MYT1L: variants seen among roughly 807,000 people sequenced by gnomAD.
MYT1L encodes myelin transcription factor 1-like protein.
A neutral mutation model predicts 126.7 loss-of-function variants in MYT1L; 12 were observed. That is an observed-to-expected ratio of 0.09 (90% CI 0.06 to 0.15). The LOEUF (loss-of-function observed/expected upper bound fraction) is 0.15, where lower values mean the gene tolerates loss of function less well. Ranked by LOEUF, MYT1L falls within the 10% of genes least tolerant of loss-of-function variation. The pLI is 1.00. For missense variants in MYT1L, 979 were observed against 1,585.2 expected (o/e 0.62, Z 6.49); for synonymous variants, 541 against 604.2 (o/e 0.90, Z 1.53).
intron 1 of MYT1L, among the ~76,000 whole-genome samples, chr2:2,310,199 T>A (rs2095941147): frequency 6.6e-6 from 1 of 152,118 alleles, no homozygotes; most frequent in South Asian, 2.1e-4. Context: ...CACCTATACA[T>A]TGGTATACTG....
chr2:2,100,603 T>C (rs962827947), intron 3 of MYT1L, among the ~76,000 whole-genome samples: 4 of 152,192 alleles, frequency 2.6e-5, no homozygotes, highest in Admixed American at 1.3e-4. Context: ...AATCTTGTTC[T>C]TGAGTTATTA....
At chr2:1,842,583 C>T (rs1228057772) in intron 19 of MYT1L, 3 of 152,296 alleles carry the variant, frequency 2.0e-5, no homozygotes, top group African/African-American at 7.2e-5. Flanking sequence ...CTGTGCTTCC[C>T]CCGACCTTTC....
intron 5 of MYT1L, among the ~76,000 whole-genome samples, chr2:1,986,253 AC>A (rs2061009398): frequency 6.6e-6 from 1 of 152,180 alleles, no homozygotes; most frequent in African/African-American, 2.4e-5. Flanking sequence ...TATCCACTCC[AC>A]ATGCAGCCAG....
At chr2:2,153,225 G>A (rs2086110151) in intron 3 of MYT1L, among the ~76,000 whole-genome samples, 1 of 152,192 alleles carries the variant, frequency 6.6e-6, no homozygotes, top group African/African-American at 2.4e-5. Flanking sequence ...CTTGTGACCA[G>A]GGGAAGGAGG....
chr2:2,090,557 G>T (rs2076815290), intron 3 of MYT1L, among the ~76,000 whole-genome samples: 1 of 152,188 alleles, frequency 6.6e-6, no homozygotes, highest in Non-Finnish European at 1.5e-5. Context: ...TGATCAGGGT[G>T]GCAGTTGTTG....
Position 1,840,755 on chromosome 2 carries a change from C to G in MYT1L, c.2858+5G>C, listed in dbSNP as rs1331438384. 6.5e-7 allele frequency: 1 copy of G among 1,548,824 alleles called. No individual in the cohort carries two copies. The highest frequency in any genetic ancestry group is 1.2e-5 in the South Asian group (1 of 83,918). On this transcript the variant is annotated splice_donor_5th_base_variant and intron_variant, in intron 20 of 24. Transcript: ENST00000647738. The stretch of plus-strand genomic sequence containing the variant: ...TATGGTTCTCAGCCCCACTGGTGCT[C>G]ATACCTGATGGGTTCTTGATCTTCT...
At chr2:2,025,850 T>G (rs1486910239) in intron 4 of MYT1L, among the ~76,000 whole-genome samples, 1 of 152,234 alleles carries the variant, frequency 6.6e-6, no homozygotes, top group Non-Finnish European at 1.5e-5. Context: ...TGTGACCTAT[T>G]GCAATTATAC....
chr2:2,310,241 C>T (rs1235388167), intron 1 of MYT1L, among the ~76,000 whole-genome samples: 4 of 152,008 alleles, frequency 2.6e-5, no homozygotes, highest in Admixed American at 1.3e-4. Context: ...TCAGCATACT[C>T]TACCTATACT....
chr2:1,833,848 G>T (rs1305938348), intron 21 of MYT1L, among the ~76,000 whole-genome samples: 1 of 121,848 alleles, frequency 8.2e-6, no homozygotes, highest in Non-Finnish European at 1.7e-5. Flanking sequence ...GGGGAAAGGA[G>T]CCCTCCTGCC....
chr2:2,029,608 G>A (rs1182419709), intron 4 of MYT1L, among the ~76,000 whole-genome samples: 1 of 152,142 alleles, frequency 6.6e-6, no homozygotes, highest in Non-Finnish European at 1.5e-5. Context: ...AAGCCGTATC[G>A]ATGTGCATAT....
intron 1 of MYT1L, among the ~76,000 whole-genome samples, chr2:2,293,691 C>A (rs1225093202): frequency 6.6e-6 from 1 of 152,214 alleles, no homozygotes; most frequent in Admixed American, 6.5e-5. Context: ...GCTGCCCTGG[C>A]CCTTCTGGGA....
chr2:2,293,779 C>G (rs1304257732), intron 1 of MYT1L, among the ~76,000 whole-genome samples: 1 of 152,166 alleles, frequency 6.6e-6, no homozygotes, highest in African/African-American at 2.4e-5. Flanking sequence ...CTCCTCCCGG[C>G]TCCTCTGGAG....
At chr2:2,143,815 C>T (rs1474319309) in intron 3 of MYT1L, among the ~76,000 whole-genome samples, 1 of 152,134 alleles carries the variant, frequency 6.6e-6, no homozygotes, top group East Asian at 1.9e-4. Flanking sequence ...TTTGCAGCAA[C>T]ATGGATGCAG....
chr2:2,114,755 C>T (rs578206345), intron 3 of MYT1L, among the ~76,000 whole-genome samples: 5 of 152,168 alleles, frequency 3.3e-5, no homozygotes, highest in Non-Finnish European at 5.9e-5. Context: ...GGTGGCCAGA[C>T]CCAGGATCTT....
Position 2,295,523 on chromosome 2 carries a change from G to A in MYT1L, c.-520-11020C>T. 1.4e-5 allele frequency among the ~76,000 whole-genome samples: 2 copies of A among 142,566 alleles called. 1 individual carries two copies. Among genetic ancestry groups the A allele is most frequent in the Non-Finnish European group, 3.1e-5 (2 of 64,126 alleles). 93.5% of individuals were successfully genotyped at this position (142,566 alleles called of 152,430 possible). A position where few individuals can be genotyped will look rare whatever the true frequency, so the allele number is the denominator to read the frequency against. On this transcript the variant is annotated intron_variant, in intron 1 of 24. Transcript: ENST00000647738. ...AGAGTGTGGGGGTGGGGGCAGAGGA[G>A]GTGCAGAGAAAGATAGAGAGAGAGA...
chr2:2,009,893 TAA>T (rs960550582), intron 4 of MYT1L, among the ~76,000 whole-genome samples: 11 of 148,044 alleles, frequency 7.4e-5, no homozygotes, highest in African/African-American at 2.5e-4. Context: ...CCTAAACTGT[TAA>T]GAGTTTTTTT....
chr2:1,795,097 C>T (rs888274120), intron 23 of MYT1L, among the ~76,000 whole-genome samples: 7 of 152,338 alleles, frequency 4.6e-5, no homozygotes, highest in South Asian at 4.1e-4. Context: ...CGTGGACACA[C>T]GTTTGCTTCC....
In MYT1L at chr2:1,862,586, T is replaced by A. The variant is rs1572966522; in HGVS notation, c.2712-10883A>T. ...CCAGGTCATATAAAATTGAGAAGATTGAAGAAGATTCTAGGAAAGAAAATA... is the reference window on the plus strand; with the variant it reads ...CCAGGTCATATAAAATTGAGAAGATAGAAGAAGATTCTAGGAAAGAAAATA... On this transcript the variant is annotated intron_variant, in intron 18 of 24. Coordinates refer to ENST00000647738, the MANE Select transcript of MYT1L (RefSeq NM_001303052.2). Among the ~76,000 whole-genome samples, 5 of 152,334 alleles carry A rather than the reference T, an allele frequency of 3.3e-5. No individual in the cohort carries two copies. In the South Asian group the frequency reaches 1.0e-3, roughly 32 times the overall value.
At chr2:1,819,591 T>C (rs1022504521) in intron 21 of MYT1L, among the ~76,000 whole-genome samples, 1 of 152,208 alleles carries the variant, frequency 6.6e-6, no homozygotes, top group Non-Finnish European at 1.5e-5. Flanking sequence ...GAGTGACAGA[T>C]GCTACACTCG....
Sources: gnomAD v4.1 joint callset for allele counts (sites outside exome capture counted in the v4.1 genomes callset) on GRCh38, gnomAD v4.1.1 for gene constraint, MANE v1.5 for transcripts, NCBI Gene and HGNC (gene_info 2026-07-23, HGNC 2026-07-21) for gene names.